The following KLHL14 variants were observed in gnomAD, a reference collection of about 807,000 sequenced individuals.
The protein encoded by KLHL14 is kelch-like protein 14.
A neutral mutation model predicts 64.3 loss-of-function variants in KLHL14; 22 were observed. The ratio of observed to expected loss-of-function variants is 0.34; its 90% confidence interval spans 0.24 to 0.49. The LOEUF is 0.49. Among genes scored for constraint, KLHL14 ranks in the 20% least tolerant of loss-of-function variants. KLHL14 has a pLI of 0.99. For missense variants in KLHL14, 661 were observed against 789.0 expected (o/e 0.84, Z 1.94); for synonymous variants, 322 against 333.4 (o/e 0.97, Z 0.37).
intron 4 of KLHL14, among the ~76,000 whole-genome samples, chr18:32,695,094 T>C (rs1395906162): frequency 6.6e-6 from 1 of 152,160 alleles, no homozygotes; most frequent in Non-Finnish European, 1.5e-5. Flanking sequence ...ATTATATTGA[T>C]AAAATGGGAG....
Position 32,680,135 on chromosome 18 carries a change from T to C in KLHL14, c.1588+34A>G. The C allele has an allele frequency of 1.2e-6, 2 of 1,605,606 alleles. No individual in the cohort carries two copies. The highest frequency in any genetic ancestry group is 1.7e-6 in the Non-Finnish European group (2 of 1,174,216). On this transcript the variant is annotated intron_variant, in intron 7 of 8. Transcript: ENST00000359358. This position sits in a 1 kb window ranked among gnomAD's most constrained non-coding sequence, Gnocchi z 4.8. ...CGAGAAATATGAGGTGCAAATGTTATTGTGACTAAAAAACAAAACAACAAA... is the reference window on the plus strand; with the variant it reads ...CGAGAAATATGAGGTGCAAATGTTACTGTGACTAAAAAACAAAACAACAAA...
chr18:32,736,189 C>G (rs1010393409), intron 3 of KLHL14, among the ~76,000 whole-genome samples: 1 of 152,098 alleles, frequency 6.6e-6, no homozygotes, highest in African/African-American at 2.4e-5. Context: ...TTTCTAGGTA[C>G]CCAGCTTCCT....
chr18:32,727,984 C>A (rs2050115987), intron 3 of KLHL14, among the ~76,000 whole-genome samples: 1 of 151,942 alleles, frequency 6.6e-6, no homozygotes, highest in Non-Finnish European at 1.5e-5. Context: ...GCGGTAGAAG[C>A]TGCAACTCCC....
intron 5 of KLHL14, among the ~76,000 whole-genome samples, chr18:32,682,121 C>A (rs141183508): frequency 6.6e-6 from 1 of 152,108 alleles, no homozygotes; most frequent in Non-Finnish European, 1.5e-5. Flanking sequence ...TAAACATTTC[C>A]TAATAATGTT....
At chr18:32,744,697 A>C (rs967544390) in intron 2 of KLHL14, 1 of 152,172 alleles carries the variant, frequency 6.6e-6, no homozygotes, top group Non-Finnish European at 1.5e-5. Context: ...CATGGCTCAC[A>C]CATGTTTGTA....
At chr18:32,722,092 G>T (rs2050082648) in intron 3 of KLHL14, among the ~76,000 whole-genome samples, 1 of 152,126 alleles carries the variant, frequency 6.6e-6, no homozygotes, top group African/African-American at 2.4e-5. Flanking sequence ...ACGCCCTCTT[G>T]CCTGCTGCCA....
At chr18:32,759,667 C>G (rs2050303513) in intron 2 of KLHL14, among the ~76,000 whole-genome samples, 1 of 151,434 alleles carries the variant, frequency 6.6e-6, no homozygotes, top group Admixed American at 6.6e-5. Flanking sequence ...CTACACAATA[C>G]AGCTGTTTTA....
In KLHL14 at chr18:32,674,626, G is replaced by A. The variant is rs1485072389; in HGVS notation, c.*31C>T. On this transcript the variant is annotated 3_prime_UTR_variant, in exon 9 of 9. Transcript: ENST00000359358. ...GTCACCTGCCATTGCTTCCTAGAAT[G>A]TGATACTGTTCATTCCAGAGTTTCC... The A allele has an allele frequency of 1.3e-6, 1 of 777,326 alleles. No homozygotes were observed. Among genetic ancestry groups the A allele is most frequent in the East Asian group, 2.4e-5 (1 of 41,188 alleles). The allele number at this position is 777,326 out of a possible 1,614,324, so 48.2% of individuals were successfully genotyped here.
At chr18:32,716,448 CTT>C (rs2050046108) in intron 3 of KLHL14, among the ~76,000 whole-genome samples, 1 of 150,070 alleles carries the variant, frequency 6.7e-6, no homozygotes, top group Non-Finnish European at 1.5e-5. Flanking sequence ...GAATTTCGCT[CTT>C]GTCGCCCAGG....
At chr18:32,698,050 T>C (rs1320305663) in intron 3 of KLHL14, among the ~76,000 whole-genome samples, 2 of 152,214 alleles carry the variant, frequency 1.3e-5, no homozygotes, top group Non-Finnish European at 2.9e-5. Context: ...CTCTCCCAAA[T>C]TTATTTTAAA....
chr18:32,770,624 C>T lies in KLHL14; in HGVS notation c.-33G>A. 1 of 1,500,298 alleles carries T rather than the reference C, an allele frequency of 6.7e-7. No individual in the cohort carries two copies. Among genetic ancestry groups the T allele is most frequent in the Non-Finnish European group, 8.9e-7 (1 of 1,126,422 alleles). The allele number at this position is 1,500,298 out of a possible 1,614,324, so 92.9% of individuals were successfully genotyped here. A position where few individuals can be genotyped will look rare whatever the true frequency, so the allele number is the denominator to read the frequency against. ...TGACTCGGTGCACCTGGCTTTAAAC[C>T]CTCCTCCAACCTGGCAGACAGGGGT... On this transcript the variant is annotated 5_prime_UTR_variant, in exon 2 of 9. Coordinates refer to ENST00000359358, the MANE Select transcript of KLHL14 (RefSeq NM_020805.3). This position sits in a 1 kb window ranked among gnomAD's most constrained non-coding sequence, Gnocchi z 6.7.
At chr18:32,759,419 CCTA>C (rs2050302218) in intron 2 of KLHL14, among the ~76,000 whole-genome samples, 1 of 152,114 alleles carries the variant, frequency 6.6e-6, no homozygotes, top group South Asian at 2.1e-4. Flanking sequence ...TGGAACTATT[CCTA>C]TAAAAATCCA....
chr18:32,719,653 T>C (rs2144508596), intron 3 of KLHL14, among the ~76,000 whole-genome samples: 1 of 152,352 alleles, frequency 6.6e-6, no homozygotes. Context: ...CAATAATTAC[T>C]ACATGTGCTT....
chr18:32,770,299 G>T lies in KLHL14; in HGVS notation c.293C>A (p.Pro98Gln), dbSNP rs778057319. 6.3e-6 allele frequency: 10 copies of T among 1,586,284 alleles called. No homozygotes were observed. Among genetic ancestry groups the T allele is most frequent in the African/African-American group, 5.4e-5 (4 of 74,382 alleles). Residue 98 changes from proline (P) to glutamine (Q), a missense_variant, in exon 2 of 9, where the codon CCG (proline) becomes CAG (glutamine). Around this residue, in one of 2 missense-constraint regions of KLHL14, gnomAD observed 331 missense variants for 339.0 expected, o/e 0.98. Transcript: ENST00000359358. The surrounding 1 kb of genome is among the most constrained non-coding windows in gnomAD (Gnocchi z 6.7). ...PQQQPSQQQQPPPQEEPGTPS... is the reference protein window; with the variant it reads ...PQQQPSQQQQQPPQEEPGTPS... ...AGTCCCGGGCTCCTCCTGCGGCGGC[G>T]GCTGCTGCTGCTGTGACGGCTGCTG...
intron 5 of KLHL14, among the ~76,000 whole-genome samples, chr18:32,681,562 C>CT (rs1008131476): frequency 6.6e-6 from 1 of 152,064 alleles, no homozygotes; most frequent in Non-Finnish European, 1.5e-5. Context: ...CTCTTTGCTT[C>CT]TTTTTTTCAC....
chr18:32,693,923 A>T (rs2049924306), intron 4 of KLHL14, among the ~76,000 whole-genome samples: 1 of 152,166 alleles, frequency 6.6e-6, no homozygotes, highest in African/African-American at 2.4e-5. Context: ...ATTCTCTCAG[A>T]TGTGCCTTTG....
chr18:32,697,042 T>C (rs1351742057), intron 3 of KLHL14, among the ~76,000 whole-genome samples: 2 of 152,162 alleles, frequency 1.3e-5, no homozygotes, highest in East Asian at 1.9e-4. Flanking sequence ...AATGTAGAAA[T>C]TGGGTGGGCA....
chr18:32,737,129 TGA>T (rs569283718), intron 3 of KLHL14, among the ~76,000 whole-genome samples: 11 of 151,966 alleles, frequency 7.2e-5, no homozygotes, highest in Non-Finnish European at 1.2e-4. Flanking sequence ...TCTCCTGCAA[TGA>T]GAAACACACT....
Position 32,674,359 on chromosome 18 carries a change from C to T in KLHL14, c.*298G>A, listed in dbSNP as rs975936112. ...CTGGGGCCAGTCTTCTGTATTTTAT[C>T]TTTCTCCTTTTGCAAGTTAAGATTC... On this transcript the variant is annotated 3_prime_UTR_variant, in exon 9 of 9. Transcript: ENST00000359358. The T allele has an allele frequency of 3.3e-6, 1 of 301,142 alleles. No individual in the cohort carries two copies. The highest frequency in any genetic ancestry group is 2.1e-5 in the African/African-American group (1 of 47,596). The allele number at this position is 301,142 out of a possible 1,614,324, so 18.7% of individuals were successfully genotyped here.
Sources: allele counts gnomAD v4.1 joint callset (sites outside exome capture counted in the v4.1 genomes callset), GRCh38; gene constraint gnomAD v4.1.1; regional missense constraint gnomAD v4.1.1; non-coding constraint Gnocchi (gnomAD v3.1); transcripts MANE v1.5; gene names NCBI Gene and HGNC (gene_info 2026-07-23, HGNC 2026-07-21).